Variants in APOC1 observed in about 807,000 individuals in gnomAD.
APOC1 encodes the protein apolipoprotein C-I.
Under a neutral mutation model 6.7 loss-of-function variants are expected in APOC1, and 4 were observed. The observed-to-expected ratio is 0.60, with a 90% confidence interval of 0.29 to 1.37. APOC1 has a LOEUF of 1.37. APOC1 is among the 40% of genes most tolerant of loss of function. The probability of loss-of-function intolerance (pLI) is 0.09; values close to 1 mark genes in which losing one functional copy is unlikely to be tolerated. For missense variants in APOC1, 122 were observed against 99.4 expected, an observed-to-expected ratio of 1.23 and a Z score of -0.97; for synonymous variants, 33 against 40.6, an observed-to-expected ratio of 0.81 and a Z score of 0.72.
Position 44,916,291 on chromosome 19 carries a change from C to G in APOC1, c.160C>G (p.Arg54Gly), listed in dbSNP as rs1037466950. 2 of 1,613,972 alleles carry G rather than the reference C, an allele frequency of 1.2e-6. No homozygotes were observed. Among genetic ancestry groups the G allele is most frequent in the South Asian group, 1.1e-5 (1 of 91,068 alleles). ...GGACAAGGCTCGGGAACTCATCAGC[C>G]GCATCAAACAGAGTGAACTTTCTGC... Reference protein sequence around the residue: ...LEDKARELISRIKQSELSAKM... With the variant: ...LEDKARELISGIKQSELSAKM... Residue 54 changes from arginine to glycine, a missense_variant, in exon 3 of 4, where the codon CGC (arginine) becomes GGC (glycine). Transcript: ENST00000592535.
Position 44,916,226 on chromosome 19 carries a change from G to A in APOC1, c.95G>A (p.Ser32Asn), listed in dbSNP as rs1970005110. Reference protein sequence around the residue: ...APAQGTPDVSSALDKLKEFGN... With the variant: ...APAQGTPDVSNALDKLKEFGN... ...GCCCAGGGGACCCCAGACGTCTCCA[G>A]TGCCTTGGATAAGCTGAAGGAGTTT... The change falls in exon 3 of 4, where the codon AGT becomes AAT. Residue 32 changes from serine to asparagine, a missense_variant. Transcript: ENST00000592535. 1.9e-6 allele frequency: 3 copies of A among 1,609,182 alleles called. No individual in the cohort carries two copies. The highest frequency in any genetic ancestry group is 2.5e-6 in the Non-Finnish European group (3 of 1,177,678).
rs1318440186 is a variant in APOC1, at chr19:44,914,654, G to T, written c.-100G>T. ...GGAGGAGGGAGATCAACATCAACCT[G>T]CCCCGCCCCCTCCCCAGCCTGATAA... On this transcript the variant is annotated 5_prime_UTR_variant, in exon 1 of 4. Coordinates refer to ENST00000592535, the MANE Select transcript of APOC1 (RefSeq NM_001645.5). 72 of 550,970 alleles carry T rather than the reference G, an allele frequency of 1.3e-4. No individual in the cohort carries two copies. The highest frequency in any genetic ancestry group is 2.0e-5 in the Non-Finnish European group (6 of 305,412). 34.1% of individuals were successfully genotyped at this position (550,970 alleles called of 1,614,324 possible). A position where few individuals can be genotyped will look rare whatever the true frequency, so the allele number is the denominator to read the frequency against.
intron 3 of APOC1, 123 bp from the exon 4 acceptor site, chr19:44,919,050 C>T: frequency 3.3e-6 from 3 of 908,178 alleles, no homozygotes; most frequent in Non-Finnish European, 5.3e-6. Context: ...TCCTCCTAAT[C>T]CCACAGACAG....
chr19:44,916,132 A>T, intron 2 of APOC1, 58 bp from the exon 3 acceptor site: 4 of 1,433,790 alleles, frequency 2.8e-6, no homozygotes, highest in Non-Finnish European at 3.7e-6. Context: ...GCAAGACTCC[A>T]TCTCCAAAAA....
chr19:44,914,867 T>C lies in APOC1; in HGVS notation c.-20-5T>C. The C allele has an allele frequency of 6.2e-7, 1 of 1,613,362 alleles. No homozygotes were observed. The highest frequency in any genetic ancestry group is 8.5e-7 in the Non-Finnish European group (1 of 1,179,734). On this transcript the variant is annotated splice_region_variant and splice_polypyrimidine_tract_variant and intron_variant, in intron 1 of 3. Transcript: ENST00000592535. ...GATCCCCTGAACCCCTGCCTCTGCC[T>C]CCAGAGTGCCCCTCCGGCCTCGCCA...
rs1398736822 is a variant in APOC1, at chr19:44,914,860, C to T, written c.-20-12C>T. On this transcript the variant is annotated splice_polypyrimidine_tract_variant and intron_variant, in intron 1 of 3. Coordinates refer to ENST00000592535, the MANE Select transcript of APOC1 (RefSeq NM_001645.5). ...TGCCACTGATCCCCTGAACCCCTGC[C>T]TCTGCCTCCAGAGTGCCCCTCCGGC... is the stretch of plus-strand genomic sequence containing the variant. 4.3e-6 allele frequency: 7 copies of T among 1,612,102 alleles called. No individual in the cohort carries two copies. The African/African-American group carries it at 9.3e-5, about 22-fold the overall frequency.
chr19:44,915,351 T>C lies in APOC1; in HGVS notation c.58+402T>C, dbSNP rs1969985675. 4 of 152,168 alleles carry C rather than the reference T, an allele frequency of 2.6e-5. No homozygotes were observed. In the South Asian group the frequency reaches 6.6e-4, roughly 25 times the overall value. The allele number at this position is 152,168 out of a possible 1,614,324, so 9.4% of individuals were successfully genotyped here. The stretch of plus-strand genomic sequence containing the variant: ...TTTTTTTTTTTCTCTTGAGACGGAG[T>C]CTCGCTCTGTCGCCGAGGCTGGAGT... On this transcript the variant is annotated intron_variant, in intron 2 of 3. Coordinates refer to ENST00000592535, the MANE Select transcript of APOC1 (RefSeq NM_001645.5).
In APOC1 at chr19:44,915,110, T is replaced by A. The variant is rs772860707; in HGVS notation, c.58+161T>A. On this transcript the variant is annotated intron_variant, in intron 2 of 3. Coordinates refer to ENST00000592535, the MANE Select transcript of APOC1 (RefSeq NM_001645.5). Reference sequence around the variant, plus strand: ...GGTGGGTCTCCAGGTTCTCCCAGGCTCAGTCCCGCAGGCGCCAAATCTGCG... The same window carrying A: ...GGTGGGTCTCCAGGTTCTCCCAGGCACAGTCCCGCAGGCGCCAAATCTGCG... 28 of 720,890 alleles carry A rather than the reference T, an allele frequency of 3.9e-5. No homozygotes were observed. In the African/African-American group the frequency reaches 4.9e-4, roughly 13 times the overall value. 44.7% of individuals were successfully genotyped at this position (720,890 alleles called of 1,614,324 possible). A position where few individuals can be genotyped will look rare whatever the true frequency, so the allele number is the denominator to read the frequency against.
chr19:44,917,086 G>A (rs389261), intron 3 of APOC1, among the ~76,000 whole-genome samples: 11,379 of 152,104 alleles, frequency 0.075, 1,409 homozygotes, highest in African/African-American at 0.26. Flanking sequence ...TGACAGAGGG[G>A]CATTACTGTG....
chr19:44,918,337 C>CTTTTTTTTTTTTTTTTTT (rs1200008263), intron 3 of APOC1, among the ~76,000 whole-genome samples: 2 of 90,326 alleles, frequency 2.2e-5, no homozygotes, highest in Admixed American at 1.5e-4. Flanking sequence ...TGAAGTGTTT[C>CTTTTTTTTTTTTTTTTTT]TTTTTTTTTT....
chr19:44,918,741 C>T (rs1054051635), intron 3 of APOC1: 1 of 161,652 alleles, frequency 6.2e-6, no homozygotes, highest in Non-Finnish European at 1.3e-5. Context: ...CTTACTGGAA[C>T]CTCCACCTCC....
intron 3 of APOC1, among the ~76,000 whole-genome samples, chr19:44,917,800 C>A (rs940106455): frequency 1.3e-5 from 2 of 151,486 alleles, no homozygotes; most frequent in Admixed American, 6.6e-5. Context: ...CATGGAGAAA[C>A]CCTGTCTCTA....
chr19:44,916,150 A>AAAAAAAAC (rs763133525), intron 2 of APOC1, 40 bp from the exon 3 acceptor site: 8 of 1,519,284 alleles, frequency 5.3e-6, no homozygotes, highest in African/African-American at 4.4e-5. Context: ...AAAAAAAAAA[A>AAAAAAAAC]AAAAAACAAA....
chr19:44,918,066 G>T (rs892887151), intron 3 of APOC1, among the ~76,000 whole-genome samples: 1 of 152,060 alleles, frequency 6.6e-6, no homozygotes, highest in East Asian at 2.0e-4. Context: ...TCAGGAGTTC[G>T]AGACTAGCCT....
At chr19:44,917,857 C>T (rs1017609021) in intron 3 of APOC1, among the ~76,000 whole-genome samples, 1 of 151,988 alleles carries the variant, frequency 6.6e-6, no homozygotes, top group Non-Finnish European at 1.5e-5. Context: ...TCCTGTAGTC[C>T]TAGCTACTCG....
In APOC1 at chr19:44,919,150, C is replaced by G. The variant is rs1217151439; in HGVS notation, c.195-23C>G. On this transcript the variant is annotated intron_variant, in intron 3 of 3. Coordinates refer to ENST00000592535, the MANE Select transcript of APOC1 (RefSeq NM_001645.5). ...TGGGAGGTAGCTGCACACAGTGACC[C>G]CCTTCCTTATTCCTCCCCACAGGGA... is the stretch of plus-strand genomic sequence containing the variant. 8 of 1,609,198 alleles carry G rather than the reference C, an allele frequency of 5.0e-6. No individual in the cohort carries two copies. In the East Asian group the frequency reaches 1.6e-4, roughly 31 times the overall value.
At chr19:44,917,231 C>T (rs1205926957) in intron 3 of APOC1, among the ~76,000 whole-genome samples, 1 of 152,154 alleles carries the variant, frequency 6.6e-6, no homozygotes, top group East Asian at 1.9e-4. Context: ...GTTAGAGAGT[C>T]ATTCGTTCTT....
rs370527199 is a variant in APOC1, at chr19:44,914,763, C to A, written c.-21+30C>A. The A allele has an allele frequency of 5.1e-5, 49 of 951,742 alleles. No individual in the cohort carries two copies. In the East Asian group the frequency reaches 6.3e-4, roughly 12 times the overall value. 59.0% of individuals were successfully genotyped at this position (951,742 alleles called of 1,614,324 possible). On this transcript the variant is annotated intron_variant, in intron 1 of 3. Transcript: ENST00000592535. Reference sequence around the variant, plus strand: ...GTGCTGAGTGCCTGGGAGGGACACCCGCCTACACTCTGCAAGAAACTCAAA... The same window carrying A: ...GTGCTGAGTGCCTGGGAGGGACACCAGCCTACACTCTGCAAGAAACTCAAA...
intron 2 of APOC1, chr19:44,915,170 C>G: frequency 1.7e-6 from 1 of 589,324 alleles, no homozygotes; most frequent in Non-Finnish European, 3.0e-6. Flanking sequence ...CGTATTGAGG[C>G]CCACACCTCT....
Sources: allele counts gnomAD v4.1 joint callset (sites outside exome capture counted in the v4.1 genomes callset), GRCh38; gene constraint gnomAD v4.1.1; transcripts MANE v1.5; gene names NCBI Gene and HGNC (gene_info 2026-07-23, HGNC 2026-07-21).